TAB2: variants seen among roughly 807,000 people sequenced by gnomAD.
The protein encoded by TAB2 is TGF-beta-activated kinase 1 and MAP3K7-binding protein 2.
A neutral mutation model predicts 65.0 loss-of-function variants in TAB2; 3 were observed. The observed-to-expected ratio is 0.05, with a 90% confidence interval of 0.02 to 0.12. TAB2 has a LOEUF of 0.12. Ranked by LOEUF, TAB2 falls within the 10% of genes least tolerant of loss-of-function variation. The pLI, the probability that TAB2 is intolerant of heterozygous loss-of-function variation, is 1.00. For synonymous variants in TAB2, 298 were observed against 285.1 expected (o/e 1.05, Z -0.46); for missense variants, 623 against 840.3 (o/e 0.74, Z 3.20).
chr6:149,325,521 C>T (rs1443280189), intron 1 of TAB2, among the ~76,000 whole-genome samples: 2 of 152,024 alleles, frequency 1.3e-5, no homozygotes, highest in Non-Finnish European at 2.9e-5. Flanking sequence ...AATAAACATA[C>T]GGATTGTTAA....
intron 1 of TAB2, chr6:149,253,253 T>G (rs1399152849): frequency 3.3e-5 from 5 of 152,228 alleles, no homozygotes; most frequent in Admixed American, 2.6e-4. Context: ...TCAGGATAAA[T>G]TATTTCTTTC....
chr6:149,241,156 C>T (rs376357823), intron 1 of TAB2, among the ~76,000 whole-genome samples: 2 of 152,170 alleles, frequency 1.3e-5, no homozygotes, highest in East Asian at 1.9e-4. Flanking sequence ...ATGCCAGCAC[C>T]TTGATCTTGA....
chr6:149,339,979 A>G (rs1008988574), intron 1 of TAB2, among the ~76,000 whole-genome samples: 6 of 147,310 alleles, frequency 4.1e-5, no homozygotes, highest in African/African-American at 1.5e-4. Context: ...ATAAGTAATA[A>G]TGCTAATTTT....
chr6:149,309,618 G>C (rs569035902), intron 1 of TAB2, among the ~76,000 whole-genome samples: 105 of 148,846 alleles, frequency 7.1e-4, no homozygotes, highest in Non-Finnish European at 9.2e-4. Flanking sequence ...AGGATGGTCT[G>C]GATCTCCTGA....
At chr6:149,264,041 C>T (rs982229073) in intron 1 of TAB2, among the ~76,000 whole-genome samples, 2 of 152,222 alleles carry the variant, frequency 1.3e-5, no homozygotes, top group Admixed American at 1.3e-4. Context: ...ATTCTGCATG[C>T]CCATCATGGG....
intron 1 of TAB2, among the ~76,000 whole-genome samples, chr6:149,275,183 T>G: frequency 7.6e-6 from 1 of 130,878 alleles, no homozygotes; most frequent in African/African-American, 3.0e-5. Flanking sequence ...TAGAGTGCAG[T>G]GGTGCTCACT....
intron 1 of TAB2, among the ~76,000 whole-genome samples, chr6:149,283,268 A>G (rs1331104875): frequency 6.6e-6 from 1 of 152,246 alleles, no homozygotes; most frequent in Non-Finnish European, 1.5e-5. Flanking sequence ...GAGGAGCCAG[A>G]AAAGGAACAC....
intron 1 of TAB2, among the ~76,000 whole-genome samples, chr6:149,340,489 A>G (rs765345503): frequency 5.3e-5 from 8 of 152,168 alleles, no homozygotes; most frequent in Non-Finnish European, 1.2e-4. Context: ...TTTTTTTAAA[A>G]GAGTAAAAGC....
chr6:149,410,089 T>C lies in TAB2; in HGVS notation c.*370T>C. Reference sequence around the variant, plus strand: ...CAGGAGGAAGGAATAGAATGATAGCTTGTTTTATTTGTAAAGCTTTCAGTG... The same window carrying C: ...CAGGAGGAAGGAATAGAATGATAGCCTGTTTTATTTGTAAAGCTTTCAGTG... On this transcript the variant is annotated 3_prime_UTR_variant, in exon 7 of 7. Transcript: ENST00000637181. 3.7e-6 allele frequency: 1 copy of C among 273,866 alleles called. No individual in the cohort carries two copies. Among genetic ancestry groups the C allele is most frequent in the Non-Finnish European group, 7.0e-6 (1 of 142,068 alleles). 17.0% of individuals were successfully genotyped at this position (273,866 alleles called of 1,614,324 possible). A position where few individuals can be genotyped will look rare whatever the true frequency, so the allele number is the denominator to read the frequency against.
chr6:149,395,696 T>C (rs1782140457), intron 3 of TAB2, among the ~76,000 whole-genome samples: 1 of 151,928 alleles, frequency 6.6e-6, no homozygotes, highest in Non-Finnish European at 1.5e-5. Context: ...CTTTGTTTTA[T>C]TGTCAGAGCT....
intron 1 of TAB2, among the ~76,000 whole-genome samples, chr6:149,362,323 G>A (rs993462152): frequency 6.6e-6 from 1 of 152,184 alleles, no homozygotes; most frequent in Non-Finnish European, 1.5e-5. Flanking sequence ...CGCTTCTGGC[G>A]GGACCTCAGG....
At position 149,410,429 on chromosome 6, in the gene TAB2, G is replaced by A. The variant is rs1375215517; in HGVS notation, c.*710G>A. ...ATTTTCTTATATTTCTATATGTATA[G>A]TGTAATAGCCTTTTGTTAACTAATT... On this transcript the variant is annotated 3_prime_UTR_variant, in exon 7 of 7. Transcript: ENST00000637181. The A allele has an allele frequency of 6.6e-6, 1 of 152,628 alleles. No homozygotes were observed. The highest frequency in any genetic ancestry group is 1.5e-5 in the Non-Finnish European group (1 of 68,072). The allele number at this position is 152,628 out of a possible 1,614,324, so 9.5% of individuals were successfully genotyped here. A position where few individuals can be genotyped will look rare whatever the true frequency, so the allele number is the denominator to read the frequency against.
At position 149,385,473 on chromosome 6, in the gene TAB2, G is replaced by A. The variant is rs189188027; in HGVS notation, c.1603+5955G>A. Among the ~76,000 whole-genome samples the A allele has an allele frequency of 2.6e-3, 403 of 152,306 alleles. 2 individuals carry two copies. The highest frequency in any genetic ancestry group is 9.4e-3 in the African/African-American group (391 of 41,568). ...GTGCAGGAGTTCAAGACCAGCCAGG[G>A]CAATGTAGCAAGACTTTGTCTCTAA... On this transcript the variant is annotated intron_variant, in intron 3 of 6. Transcript: ENST00000637181.
upstream of TAB2, among the ~76,000 whole-genome samples, chr6:149,313,314 T>G (rs1394695736): frequency 6.6e-6 from 1 of 151,932 alleles, no homozygotes. Context: ...CAGCTCTCTC[T>G]CTCCACAGCT....
At chr6:149,300,151 GA>G (rs1380229343) in intron 1 of TAB2, among the ~76,000 whole-genome samples, 1 of 152,152 alleles carries the variant, frequency 6.6e-6, no homozygotes, top group Admixed American at 6.5e-5. Flanking sequence ...TAGGAAGATG[GA>G]AAACTAAAAA....
intron 1 of TAB2, among the ~76,000 whole-genome samples, chr6:149,345,845 A>G (rs192852873): frequency 7.9e-5 from 12 of 152,222 alleles, no homozygotes; most frequent in Admixed American, 7.2e-4. Context: ...TTTTCAGTCA[A>G]TAAGGTCTTA....
intron 1 of TAB2, among the ~76,000 whole-genome samples, chr6:149,328,159 G>T (rs1385364082): frequency 2.0e-5 from 3 of 152,168 alleles, no homozygotes; most frequent in Non-Finnish European, 4.4e-5. Flanking sequence ...AACTTTTATA[G>T]AATATCACAT....
At chr6:149,289,303 G>A (rs908992858) in intron 1 of TAB2, among the ~76,000 whole-genome samples, 4 of 152,158 alleles carry the variant, frequency 2.6e-5, no homozygotes, top group Middle Eastern at 3.4e-3. Context: ...AAGGGCAGGA[G>A]GATTGCTTGA....
chr6:149,234,913 A>G (rs1157035168), intron 1 of TAB2, among the ~76,000 whole-genome samples: 1 of 152,064 alleles, frequency 6.6e-6, no homozygotes, highest in Non-Finnish European at 1.5e-5. Context: ...CATTGGCCTA[A>G]GAATAGACCA....
Sources: allele counts gnomAD v4.1 joint callset (sites outside exome capture counted in the v4.1 genomes callset), GRCh38; gene constraint gnomAD v4.1.1; transcripts MANE v1.5; gene names NCBI Gene and HGNC (gene_info 2026-07-23, HGNC 2026-07-21).